Variants in FAM107B observed in about 807,000 individuals in gnomAD.
The protein encoded by FAM107B is family with sequence similarity 107 member B.
In FAM107B, 21 loss-of-function variants were observed where a neutral mutation model predicts 31.5. The ratio of observed to expected loss-of-function variants is 0.67; its 90% CI spans 0.47 to 0.96. The LOEUF (loss-of-function observed/expected upper bound fraction) is 0.96, where lower values mean the gene tolerates loss of function less well. FAM107B is among the 40% of genes least tolerant of loss of function. The pLI, the probability that FAM107B is intolerant of heterozygous loss-of-function variation, is 0.00. For missense variants in FAM107B, 452 were observed against 377.1 expected (o/e 1.20, Z -1.64); for synonymous variants, 157 against 141.5 (o/e 1.11, Z -0.78).
chr10:14,769,923 C>T (rs919219377), intron 1 of FAM107B, among the ~76,000 whole-genome samples: 3 of 152,170 alleles, frequency 2.0e-5, no homozygotes, highest in African/African-American at 7.2e-5. Context: ...GAAACAGCAC[C>T]ATTCAACTTG....
In FAM107B at chr10:14,551,291, G is replaced by A. The variant is rs145152999; in HGVS notation, c.470-20776C>T. On this transcript the variant is annotated intron_variant, in intron 2 of 4. Coordinates refer to ENST00000181796, the MANE Select transcript of FAM107B (RefSeq NM_031453.4). ...GCCTCCTGAGTAGCTGGGACTACAG[G>A]CGCCCACCATGCCCGCCTAATTTTT... 6.7e-3 allele frequency among the ~76,000 whole-genome samples: 1,015 copies of A among 152,148 alleles called. 5 individuals carry two copies. Among genetic ancestry groups the A allele is most frequent in the Non-Finnish European group, 9.1e-3 (618 of 68,000 alleles).
At chr10:14,705,121 T>A (rs1400178357) in intron 1 of FAM107B, among the ~76,000 whole-genome samples, 2 of 150,112 alleles carry the variant, frequency 1.3e-5, no homozygotes, top group African/African-American at 4.9e-5. Context: ...CTGCACCACA[T>A]CACTAATCAT....
intron 1 of FAM107B, among the ~76,000 whole-genome samples, chr10:14,726,443 G>A (rs897920360): frequency 6.6e-6 from 1 of 152,196 alleles, no homozygotes; most frequent in Non-Finnish European, 1.5e-5. Flanking sequence ...CACCAGGCTT[G>A]AGAAAAGAAA....
At chr10:14,744,354 G>C (rs1276936050) in intron 1 of FAM107B, among the ~76,000 whole-genome samples, 1 of 152,102 alleles carries the variant, frequency 6.6e-6, no homozygotes, top group Non-Finnish European at 1.5e-5. Context: ...TCTCTTGCCT[G>C]ATTGCCCTGA....
chr10:14,616,566 T>G (rs1020395561), intron 2 of FAM107B, among the ~76,000 whole-genome samples: 1 of 152,210 alleles, frequency 6.6e-6, no homozygotes, highest in African/African-American at 2.4e-5. Context: ...GACTTTCTTC[T>G]AGGCATATTG....
chr10:14,624,614 T>C (rs1853106708), intron 2 of FAM107B, among the ~76,000 whole-genome samples: 1 of 151,946 alleles, frequency 6.6e-6, no homozygotes, highest in Non-Finnish European at 1.5e-5. Flanking sequence ...CCAGCCTGGA[T>C]GACAGAGCAA....
chr10:14,751,884 G>C (rs557856578), intron 1 of FAM107B, among the ~76,000 whole-genome samples: 1 of 152,158 alleles, frequency 6.6e-6, no homozygotes, highest in Non-Finnish European at 1.5e-5. Flanking sequence ...AGGAGGTAAA[G>C]GGCTGGGAAC....
chr10:14,583,843 A>G (rs2131316037), intron 2 of FAM107B, among the ~76,000 whole-genome samples: 1 of 152,268 alleles, frequency 6.6e-6, no homozygotes, highest in Middle Eastern at 3.4e-3. Context: ...TCCTAGACCC[A>G]AGGCCACCCC....
At chr10:14,636,054 A>G (rs11259243) in intron 2 of FAM107B, among the ~76,000 whole-genome samples, 77,954 of 151,882 alleles carry the variant, frequency 0.51, 20,347 homozygotes, top group Middle Eastern at 0.6. Context: ...TATTGCTTCT[A>G]TGAGAAAATG....
At chr10:14,549,578 C>T (rs148545540) in intron 2 of FAM107B, among the ~76,000 whole-genome samples, 16 of 152,326 alleles carry the variant, frequency 1.1e-4, no homozygotes, top group African/African-American at 3.4e-4. Context: ...CCTGATTCAA[C>T]TCTGCACATT....
chr10:14,619,324 A>T (rs1233705446), intron 2 of FAM107B, among the ~76,000 whole-genome samples: 1 of 152,182 alleles, frequency 6.6e-6, no homozygotes, highest in African/African-American at 2.4e-5. Flanking sequence ...AATGCATGAG[A>T]GTCCTGGTTG....
intron 2 of FAM107B, among the ~76,000 whole-genome samples, chr10:14,582,685 T>A (rs1851681996): frequency 6.7e-6 from 1 of 149,654 alleles, no homozygotes; most frequent in African/African-American, 2.4e-5. Context: ...CCTACCCACA[T>A]GTTTTAACGT....
chr10:14,604,150 GTC>G, intron 2 of FAM107B: 2 of 862,798 alleles, frequency 2.3e-6, no homozygotes, highest in Non-Finnish European at 2.8e-6. Context: ...CGCCGAGAGG[GTC>G]CCCGGAGCCG....
intron 2 of FAM107B, among the ~76,000 whole-genome samples, chr10:14,544,643 A>G (rs751125692): frequency 1.3e-5 from 2 of 152,228 alleles, no homozygotes; most frequent in Non-Finnish European, 2.9e-5. Flanking sequence ...CCTTGAACGC[A>G]GTAATTCCAC....
At chr10:14,521,731 G>T in intron 4 of FAM107B, 138 bp downstream of exon 4, 3 of 1,278,492 alleles carry the variant, frequency 2.3e-6, no homozygotes, top group Non-Finnish European at 3.2e-6. Context: ...GACCCCATTT[G>T]CTGACATTTG....
intron 2 of FAM107B, among the ~76,000 whole-genome samples, chr10:14,572,865 C>T (rs1851328385): frequency 6.6e-6 from 1 of 151,162 alleles, no homozygotes; most frequent in African/African-American, 2.4e-5. Context: ...CCAGTCCCAA[C>T]TCTGCCCAAC....
intron 2 of FAM107B, chr10:14,556,278 G>C (rs1849692967): frequency 1.1e-6 from 1 of 908,182 alleles, no homozygotes; most frequent in African/African-American, 1.8e-5. Context: ...TGGAAGGCCA[G>C]TAATTTGATA....
At chr10:14,685,142 ATTTTTTTTTTTT>A (rs59475861) in intron 1 of FAM107B, among the ~76,000 whole-genome samples, 1 of 36,778 alleles carries the variant, frequency 2.7e-5, no homozygotes, top group Non-Finnish European at 5.2e-5. Flanking sequence ...ACATCCTTTT[ATTTTTTTTTTTT>A]TTTTTTTTTT....
intron 1 of FAM107B, among the ~76,000 whole-genome samples, chr10:14,668,344 G>C (rs1294348207): frequency 6.6e-6 from 1 of 152,132 alleles, no homozygotes; most frequent in African/African-American, 2.4e-5. Flanking sequence ...CACCAGGCCA[G>C]GTTTTTCATA....
Sources: allele counts gnomAD v4.1 joint callset (sites outside exome capture counted in the v4.1 genomes callset), GRCh38; gene constraint gnomAD v4.1.1; transcripts MANE v1.5; gene names NCBI Gene and HGNC (gene_info 2026-07-23, HGNC 2026-07-21).